KMT2C: variants seen among roughly 807,000 people sequenced by gnomAD.
KMT2C encodes lysine methyltransferase 2C, also known as histone-lysine N-methyltransferase 2C.
A neutral mutation model predicts 507.9 loss-of-function variants in KMT2C; 88 were observed. The ratio of observed to expected loss-of-function variants is 0.17; its 90% CI spans 0.15 to 0.21. The LOEUF (loss-of-function observed/expected upper bound fraction) is 0.21. KMT2C is among the 10% of genes least tolerant of loss of function. KMT2C has a pLI of 1.00. For missense variants in KMT2C, 4,954 were observed against 5,957.8 expected, an observed-to-expected ratio of 0.83 and a Z score of 5.55; for synonymous variants, 2,049 against 2,080.8, an observed-to-expected ratio of 0.98 and a Z score of 0.42.
At chr7:152,352,180 G>A (rs1314883883) in intron 2 of KMT2C, among the ~76,000 whole-genome samples, 5 of 152,172 alleles carry the variant, frequency 3.3e-5, no homozygotes, top group Non-Finnish European at 5.9e-5. Context: ...TGGTCGAGCT[G>A]TAGGGATGAA....
rs1195125465 is a variant in KMT2C at position 152,391,142 on chromosome 7, CAAAAAAAAAAAAA to C, written c.162-32480_162-32468del. 1.7e-3 allele frequency among the ~76,000 whole-genome samples: 60 copies of C among 34,772 alleles called. 1 individual carries two copies. The highest frequency in any genetic ancestry group is 5.4e-3 in the African/African-American group (51 of 9,532). The allele number at this position is 34,772 out of a possible 152,430, so 22.8% of individuals were successfully genotyped here. A position where few individuals can be genotyped will look rare whatever the true frequency, so the allele number is the denominator to read the frequency against. On this transcript the variant is annotated intron_variant, in intron 1 of 58. Coordinates refer to ENST00000262189, the MANE Select transcript of KMT2C (RefSeq NM_170606.3). ...CTGGGCGACAGAGTGAGACTGTCTC[CAAAAAAAAAAAAA>C]AAAAAAAAAAAAGCCTTAAAATCTC...
chr7:152,301,042 G>C (rs926026549), intron 6 of KMT2C, among the ~76,000 whole-genome samples: 14 of 151,556 alleles, frequency 9.2e-5, no homozygotes, highest in African/African-American at 3.4e-4. Flanking sequence ...TGGTGACAGA[G>C]GGAAACTTCA....
chr7:152,252,559 T>G lies in KMT2C; in HGVS notation c.1456A>C (p.Asn486His), dbSNP rs1217278540. The change falls in exon 10 of 59, where the codon AAT becomes CAT. Residue 486 changes from asparagine to histidine, a missense_variant. Physicochemically the swap from Asn to His is moderately conservative, Grantham distance 68. Coordinates refer to ENST00000262189, the MANE Select transcript of KMT2C (RefSeq NM_170606.3). ...PELQKDMLHCNMCKRWVHLEC... is the reference protein window; with the variant it reads ...PELQKDMLHCHMCKRWVHLEC... ...CTATCTTCTTACCTTTTGCACATATTACAATGAAGCATGTCTTTCTGCAAT... is the reference window on the plus strand; with the variant it reads ...CTATCTTCTTACCTTTTGCACATATGACAATGAAGCATGTCTTTCTGCAAT... 2 of 1,612,658 alleles carry G rather than the reference T, an allele frequency of 1.2e-6. No individual in the cohort carries two copies. The highest frequency in any genetic ancestry group is 1.7e-6 in the Non-Finnish European group (2 of 1,179,232).
intron 6 of KMT2C, 80 bp from the exon 7 acceptor site, chr7:152,273,947 A>C: frequency 6.9e-7 from 1 of 1,442,108 alleles, no homozygotes. Flanking sequence ...AGGTATAAAA[A>C]ACTCTCTGTA....
At chr7:152,261,083 C>A (rs1251537070) in intron 9 of KMT2C, among the ~76,000 whole-genome samples, 3 of 152,302 alleles carry the variant, frequency 2.0e-5, no homozygotes, top group South Asian at 2.1e-4. Flanking sequence ...CAAACAGTTA[C>A]CTCTATTAAG....
rs1179138906 is a variant in KMT2C at position 152,183,060 on chromosome 7, G to C, written c.5179C>G (p.Pro1727Ala). ...AGCTCCGAATCAATACGAGAGCTGGGATCAATGCTATCTTGCTGTTGCTGC... is the reference window on the plus strand; with the variant it reads ...AGCTCCGAATCAATACGAGAGCTGGCATCAATGCTATCTTGCTGTTGCTGC... ...KRQQQQDSID[P>A]SSRIDSELFK... The change falls in exon 35 of 59, where the codon CCC (proline) becomes GCC (alanine). Residue 1727 changes from proline to alanine, a missense_variant. Physicochemically the swap from Pro to Ala is conservative, Grantham distance 27. Transcript: ENST00000262189. The C allele has an allele frequency of 6.2e-7, 1 of 1,612,884 alleles. No individual in the cohort carries two copies. The highest frequency in any genetic ancestry group is 8.5e-7 in the Non-Finnish European group (1 of 1,179,304).
At chr7:152,369,032 A>AT (rs934609529) in intron 1 of KMT2C, among the ~76,000 whole-genome samples, 12 of 151,944 alleles carry the variant, frequency 7.9e-5, no homozygotes, top group African/African-American at 2.7e-4. Flanking sequence ...AAAAAAAAAA[A>AT]TAGTTAAGGG....
chr7:152,430,990 T>C (rs1272020155), intron 1 of KMT2C, among the ~76,000 whole-genome samples: 3 of 152,186 alleles, frequency 2.0e-5, no homozygotes, highest in East Asian at 3.8e-4. Flanking sequence ...CTGGGAAACT[T>C]TGCAGTTTTG....
intron 18 of KMT2C, among the ~76,000 whole-genome samples, chr7:152,226,424 G>C (rs963132247): frequency 6.6e-6 from 1 of 151,664 alleles, no homozygotes; most frequent in African/African-American, 2.4e-5. Flanking sequence ...GTAGAGATGG[G>C]GTTTTACTGT....
intron 24 of KMT2C, 74 bp from the exon 25 acceptor site, chr7:152,205,299 G>T (rs2094273792): frequency 8.6e-7 from 1 of 1,167,976 alleles, no homozygotes; most frequent in South Asian, 1.5e-5. Context: ...GGATAAAACT[G>T]CTTTATCTTG....
At chr7:152,396,790 G>C (rs1176986500) in intron 1 of KMT2C, among the ~76,000 whole-genome samples, 1 of 152,178 alleles carries the variant, frequency 6.6e-6, no homozygotes, top group Non-Finnish European at 1.5e-5. Context: ...TACTCTGTTG[G>C]GGGAATCCAA....
chr7:152,142,635 A>G (rs762794260), intron 55 of KMT2C, among the ~76,000 whole-genome samples: 1 of 152,242 alleles, frequency 6.6e-6, no homozygotes. Context: ...ATATTTGTAC[A>G]AGATATAGCA....
chr7:152,144,935 C>T lies in KMT2C; in HGVS notation c.14175-54G>A, dbSNP rs2090953131. ...AAAATACAAGGAAAACTGAAGATAC[C>T]TCTGAGTAATGCCCAAAACCAGGTT... On this transcript the variant is annotated intron_variant, in intron 54 of 58. Coordinates refer to ENST00000262189, the MANE Select transcript of KMT2C (RefSeq NM_170606.3). This position sits in a 1 kb window ranked among gnomAD's most constrained non-coding sequence, Gnocchi z 4.4. 7 of 1,532,242 alleles carry T rather than the reference C, an allele frequency of 4.6e-6. No individual in the cohort carries two copies. In the South Asian group the frequency reaches 6.1e-5, roughly 13 times the overall value. The allele number at this position is 1,532,242 out of a possible 1,614,324, so 94.9% of individuals were successfully genotyped here. A position where few individuals can be genotyped will look rare whatever the true frequency, so the allele number is the denominator to read the frequency against.
chr7:152,194,131 A>G lies in KMT2C; in HGVS notation c.4541-3T>C, dbSNP rs765321446. 6.4e-7 allele frequency: 1 copy of G among 1,572,704 alleles called. No homozygotes were observed. Among genetic ancestry groups the G allele is most frequent in the Non-Finnish European group, 8.6e-7 (1 of 1,166,590 alleles). ...TTCAACATCTTTTCCGCCAAGCTCT[A>G]GGAGATAAAACAATAATAGTAACAA... On this transcript the variant is annotated splice_region_variant and splice_polypyrimidine_tract_variant and intron_variant, in intron 30 of 58. Transcript: ENST00000262189.
intron 2 of KMT2C, among the ~76,000 whole-genome samples, chr7:152,347,083 C>T (rs1180023876): frequency 1.3e-5 from 2 of 152,062 alleles, no homozygotes; most frequent in African/African-American, 4.8e-5. Flanking sequence ...AAGATCGTGC[C>T]ACTGCACTCC....
chr7:152,181,306 G>A lies in KMT2C; in HGVS notation c.6554C>T (p.Thr2185Ile), dbSNP rs757328430. Residue 2185 changes from threonine (T) to isoleucine (I), a missense_variant, in exon 36 of 59, where the codon ACA (threonine) becomes ATA (isoleucine). Around this residue, in one of 29 missense-constraint regions of KMT2C, gnomAD observed 1,689 missense variants for 1,654.3 expected, o/e 1.02. Coordinates refer to ENST00000262189, the MANE Select transcript of KMT2C (RefSeq NM_170606.3). ...SQQPQTPRPS[T>I]QTDLFVTPVT... ...AGGTGTAACAAACAAGTCAGTTTGT[G>A]TAGATGGTCTTGGGGTTTGGGGCTG... is the stretch of plus-strand genomic sequence containing the variant. The A allele has an allele frequency of 4.3e-6, 7 of 1,613,990 alleles. No homozygotes were observed. Among genetic ancestry groups the A allele is most frequent in the Non-Finnish European group, 5.9e-6 (7 of 1,180,012 alleles).
Position 152,138,953 on chromosome 7 carries a change from G to A in KMT2C, c.14535-49C>T, listed in dbSNP as rs1282497713. 7.0e-7 allele frequency: 1 copy of A among 1,434,290 alleles called. No individual in the cohort carries two copies. The highest frequency in any genetic ancestry group is 2.3e-5 in the East Asian group (1 of 44,054). The allele number at this position is 1,434,290 out of a possible 1,614,324, so 88.8% of individuals were successfully genotyped here. A position where few individuals can be genotyped will look rare whatever the true frequency, so the allele number is the denominator to read the frequency against. ...CTGTATTGTAAAACAGCTAGAAGCA[G>A]CTTTAAAAACTTCCCATTTATTGAT... On this transcript the variant is annotated intron_variant, in intron 57 of 58. Transcript: ENST00000262189. The surrounding 1 kb of genome is among the most constrained non-coding windows in gnomAD (Gnocchi z 4.2).
At chr7:152,324,499 A>G (rs2096806442) in intron 3 of KMT2C, among the ~76,000 whole-genome samples, 1 of 151,996 alleles carries the variant, frequency 6.6e-6, no homozygotes, top group African/African-American at 2.4e-5. Context: ...ATCATTTTAG[A>G]TAAAATGTAT....
intron 6 of KMT2C, among the ~76,000 whole-genome samples, chr7:152,297,063 G>C (rs375339207): frequency 0.054 from 3,509 of 65,554 alleles, 91 homozygotes; most frequent in African/African-American, 0.1. Context: ...GACAGAGAGA[G>C]AGAGAGAGAG....
Sources: allele counts gnomAD v4.1 joint callset (sites outside exome capture counted in the v4.1 genomes callset), GRCh38; gene constraint gnomAD v4.1.1; regional missense constraint gnomAD v4.1.1; non-coding constraint Gnocchi (gnomAD v3.1); transcripts MANE v1.5; gene names NCBI Gene and HGNC (gene_info 2026-07-23, HGNC 2026-07-21).